TMEM131: variants seen among roughly 807,000 people sequenced by gnomAD.
TMEM131 encodes the protein 2610524E03Rik.
In TMEM131, 66 loss-of-function variants were observed where a neutral mutation model predicts 211.6. The ratio of observed to expected loss-of-function variants is 0.31; its 90% CI spans 0.26 to 0.38. TMEM131 has a LOEUF of 0.38. Among genes scored for constraint, TMEM131 ranks in the 10% least tolerant of loss-of-function variants. TMEM131 has a pLI of 1.00. For missense variants in TMEM131, 2,036 were observed against 2,299.3 expected, an observed-to-expected ratio of 0.89 and a Z score of 2.34; for synonymous variants, 844 against 841.3, an observed-to-expected ratio of 1.00 and a Z score of -0.06.
chr2:97,861,236 G>A (rs1433940246), intron 4 of TMEM131, among the ~76,000 whole-genome samples: 2 of 151,988 alleles, frequency 1.3e-5, no homozygotes, highest in Non-Finnish European at 2.9e-5. Flanking sequence ...TCCTAGTGCC[G>A]TGCTGGGCTT....
rs574119793 is a variant in TMEM131, at chr2:97,916,213, G to A, written c.250-7515C>T. On this transcript the variant is annotated intron_variant, in intron 2 of 40. Transcript: ENST00000186436. Reference sequence around the variant, plus strand: ...TTATAGGCGTGGGCCACGGCACCCAGCCTTAAGGCTGTTTCTGAACCCGCT... The same window carrying A: ...TTATAGGCGTGGGCCACGGCACCCAACCTTAAGGCTGTTTCTGAACCCGCT... 1.6e-4 allele frequency among the ~76,000 whole-genome samples: 24 copies of A among 152,334 alleles called. 1 individual carries two copies. The South Asian group carries it at 3.9e-3, about 25-fold the overall frequency.
intron 11 of TMEM131, among the ~76,000 whole-genome samples, chr2:97,821,408 G>C (rs1682113985): frequency 6.6e-6 from 1 of 152,216 alleles, no homozygotes; most frequent in Non-Finnish European, 1.5e-5. Flanking sequence ...GGGAATAAAA[G>C]CTGGCCACCC....
intron 1 of TMEM131, among the ~76,000 whole-genome samples, chr2:97,962,200 G>A (rs1049729024): frequency 1.3e-5 from 2 of 151,976 alleles, no homozygotes; most frequent in African/African-American, 2.4e-5. Flanking sequence ...CTCAAAAAAC[G>A]CTGCTTAAAA....
At chr2:97,822,342 C>T (rs759450863) in intron 11 of TMEM131, among the ~76,000 whole-genome samples, 5 of 152,234 alleles carry the variant, frequency 3.3e-5, no homozygotes, top group South Asian at 2.1e-4. Context: ...AGCTAGGATA[C>T]GGGGAGCCTC....
At chr2:97,931,620 T>C in intron 1 of TMEM131, among the ~76,000 whole-genome samples, 1 of 152,202 alleles carries the variant, frequency 6.6e-6, no homozygotes, top group East Asian at 1.9e-4. Context: ...GGGGGTGGTA[T>C]CAGGCATTAG....
At chr2:97,854,722 T>C (rs1355947682) in intron 5 of TMEM131, among the ~76,000 whole-genome samples, 1 of 152,206 alleles carries the variant, frequency 6.6e-6, no homozygotes, top group Admixed American at 6.5e-5. Flanking sequence ...ATGCTCACTC[T>C]GGTCTGGCTG....
intron 1 of TMEM131, among the ~76,000 whole-genome samples, chr2:97,963,666 G>T (rs1168812435): frequency 6.6e-6 from 1 of 152,218 alleles, no homozygotes; most frequent in East Asian, 1.9e-4. Flanking sequence ...AGTAAGCGGA[G>T]ATCGCGCCAC....
intron 4 of TMEM131, among the ~76,000 whole-genome samples, chr2:97,877,440 A>G (rs1674744945): frequency 6.6e-6 from 1 of 152,212 alleles, no homozygotes; most frequent in Non-Finnish European, 1.5e-5. Context: ...GCATCACACT[A>G]TGTGACTTCA....
At chr2:97,961,137 A>G (rs758189943) in intron 1 of TMEM131, among the ~76,000 whole-genome samples, 5 of 126,952 alleles carry the variant, frequency 3.9e-5, no homozygotes, top group Admixed American at 3.1e-4. Context: ...AACACTATCT[A>G]AAAAAAAAAA....
intron 11 of TMEM131, among the ~76,000 whole-genome samples, chr2:97,831,598 G>T (rs572481452): frequency 4.9e-4 from 71 of 145,880 alleles, no homozygotes; most frequent in Non-Finnish European, 1.0e-3. Flanking sequence ...CAATTAAAAT[G>T]ATATATTCAT....
chr2:97,773,206 G>T (rs963722745), intron 32 of TMEM131, among the ~76,000 whole-genome samples: 1 of 152,236 alleles, frequency 6.6e-6, no homozygotes, highest in African/African-American at 2.4e-5. Flanking sequence ...CAGGGTTCCG[G>T]CTGGTTTAAT....
chr2:97,878,357 C>T (rs1257127523), intron 4 of TMEM131, among the ~76,000 whole-genome samples: 1 of 152,184 alleles, frequency 6.6e-6, no homozygotes. Context: ...TGGGTATATA[C>T]CCAAAGGACT....
chr2:97,789,896 A>G (rs1680421765), intron 31 of TMEM131, among the ~76,000 whole-genome samples: 1 of 152,236 alleles, frequency 6.6e-6, no homozygotes, highest in Non-Finnish European at 1.5e-5. Flanking sequence ...TTCCACTGGA[A>G]GCAGTGACTG....
chr2:97,759,170 A>C, intron 39 of TMEM131, 117 bp from the exon 40 acceptor site: 1 of 1,289,170 alleles, frequency 7.8e-7, no homozygotes, highest in Non-Finnish European at 1.1e-6. Flanking sequence ...CACCACACCC[A>C]CTTCACCAGC....
intron 1 of TMEM131, among the ~76,000 whole-genome samples, chr2:97,994,927 A>G (rs924455605): frequency 5.9e-5 from 9 of 152,256 alleles, no homozygotes; most frequent in Admixed American, 5.2e-4. Context: ...ACAGGCTTTC[A>G]ACAGCTTACT....
chr2:97,853,322 C>T (rs542154579), intron 5 of TMEM131, among the ~76,000 whole-genome samples: 7 of 151,538 alleles, frequency 4.6e-5, no homozygotes, highest in South Asian at 4.2e-4. Flanking sequence ...CAGCTGGGCA[C>T]AGTGGCTCAA....
chr2:97,877,281 C>T (rs1251034182), intron 4 of TMEM131, among the ~76,000 whole-genome samples: 4 of 152,116 alleles, frequency 2.6e-5, no homozygotes, highest in Non-Finnish European at 5.9e-5. Flanking sequence ...CCATACTGCC[C>T]AAAGTAATTT....
chr2:97,912,423 A>G (rs1208451736), intron 2 of TMEM131, among the ~76,000 whole-genome samples: 1 of 152,220 alleles, frequency 6.6e-6, no homozygotes, highest in Non-Finnish European at 1.5e-5. Context: ...ATGAATTCAC[A>G]TCCAGAGATA....
Position 97,870,776 on chromosome 2 carries a change from G to C in TMEM131, c.360-11349C>G, listed in dbSNP as rs548634198. 2.6e-5 allele frequency among the ~76,000 whole-genome samples: 4 copies of C among 152,276 alleles called. No homozygotes were observed. In the South Asian group the frequency reaches 8.3e-4, roughly 32 times the overall value. ...TAAGCATAGTTTTGGGCAGGAAGTC[G>C]GGTCAAATCAATATGCAGTACTTTG... On this transcript the variant is annotated intron_variant, in intron 4 of 40. Transcript: ENST00000186436.
Sources: gnomAD v4.1 joint callset for allele counts (sites outside exome capture counted in the v4.1 genomes callset) on GRCh38, gnomAD v4.1.1 for gene constraint, MANE v1.5 for transcripts, NCBI Gene and HGNC (gene_info 2026-07-23, HGNC 2026-07-21) for gene names.